ROBO2: variants seen among roughly 807,000 people sequenced by gnomAD.
ROBO2 encodes roundabout guidance receptor 2, also known as roundabout homolog 2.
A neutral mutation model predicts 160.8 loss-of-function variants in ROBO2; 53 were observed. The observed-to-expected ratio is 0.33, with a 90% CI of 0.26 to 0.41. The LOEUF (loss-of-function observed/expected upper bound fraction) is 0.41. ROBO2 is among the 10% of genes least tolerant of loss of function. The pLI is 1.00. For missense variants in ROBO2, 1,577 were observed against 1,722.4 expected, an observed-to-expected ratio of 0.92 and a Z score of 1.49; for synonymous variants, 664 against 611.7, an observed-to-expected ratio of 1.09 and a Z score of -1.26.
intron 2 of ROBO2, among the ~76,000 whole-genome samples, chr3:76,756,735 C>T (rs1336522812): frequency 6.6e-6 from 1 of 151,940 alleles, no homozygotes; most frequent in African/African-American, 2.4e-5. Context: ...CTCTGTCAAT[C>T]TGTTACCAGG....
At chr3:77,602,579 T>C in intron 20 of ROBO2, 88 bp downstream of exon 21, 1 of 1,492,808 alleles carries the variant, frequency 6.7e-7, no homozygotes, top group Non-Finnish European at 9.3e-7. Context: ...GACTTAGTGA[T>C]TCATTACCAG....
At chr3:76,698,588 C>T (rs2092982340) in intron 2 of ROBO2, among the ~76,000 whole-genome samples, 1 of 152,092 alleles carries the variant, frequency 6.6e-6, no homozygotes, top group Non-Finnish European at 1.5e-5. Context: ...AATTTTTCCT[C>T]AAAACAAAGT....
At chr3:77,107,526 T>C (rs1178371989) in intron 2 of ROBO2, among the ~76,000 whole-genome samples, 1 of 152,172 alleles carries the variant, frequency 6.6e-6, no homozygotes, top group Non-Finnish European at 1.5e-5. Context: ...ACAAGAAATA[T>C]TACAAATCAT....
chr3:77,277,145 T>TTTCC (rs1458720726), intron 2 of ROBO2, among the ~76,000 whole-genome samples: 17 of 116,108 alleles, frequency 1.5e-4, no homozygotes, highest in African/African-American at 4.4e-4. Context: ...TTCTTCCTTC[T>TTTCC]TTCCTTCTTT....
chr3:76,389,390 G>T (rs1341380925), intron 2 of ROBO2, among the ~76,000 whole-genome samples: 1 of 152,152 alleles, frequency 6.6e-6, no homozygotes, highest in African/African-American at 2.4e-5. Context: ...GGAACTCTAG[G>T]TTAGTGTCAA....
intron 8 of ROBO2, among the ~76,000 whole-genome samples, chr3:77,552,878 A>T (rs1157536977): frequency 6.6e-6 from 1 of 152,008 alleles, no homozygotes; most frequent in Admixed American, 6.6e-5. Context: ...TTAATGATTT[A>T]ATACTATCTG....
chr3:76,656,462 A>G (rs551490457), intron 2 of ROBO2, among the ~76,000 whole-genome samples: 19 of 152,252 alleles, frequency 1.2e-4, no homozygotes, highest in African/African-American at 4.6e-4. Flanking sequence ...CATTACCTGC[A>G]CTTCTTGTGA....
intron 2 of ROBO2, among the ~76,000 whole-genome samples, chr3:76,010,515 T>C (rs185736512): frequency 2.6e-5 from 4 of 152,374 alleles, no homozygotes; most frequent in African/African-American, 7.2e-5. Context: ...CCCAGAGTCA[T>C]TGAACACAGC....
intron 1 of ROBO2, among the ~76,000 whole-genome samples, chr3:77,077,728 C>A (rs1278389204): frequency 6.6e-6 from 1 of 152,168 alleles, no homozygotes; most frequent in Non-Finnish European, 1.5e-5. Context: ...TATATACACA[C>A]AGGTATGTTC....
intron 2 of ROBO2, among the ~76,000 whole-genome samples, chr3:76,109,158 G>T (rs1293082358): frequency 6.6e-6 from 1 of 151,924 alleles, no homozygotes; most frequent in Admixed American, 6.6e-5. Flanking sequence ...GCACAATAAA[G>T]TGTATAATAT....
At chr3:77,142,070 T>C (rs2076749578) in intron 2 of ROBO2, among the ~76,000 whole-genome samples, 1 of 152,172 alleles carries the variant, frequency 6.6e-6, no homozygotes, top group Non-Finnish European at 1.5e-5. Flanking sequence ...TCCAAACTCA[T>C]AAAAACCTCT....
intron 2 of ROBO2, among the ~76,000 whole-genome samples, chr3:77,415,187 G>C (rs35291243): frequency 0.12 from 18,606 of 152,188 alleles, 1,402 homozygotes; most frequent in East Asian, 0.29. Flanking sequence ...GAACAGAAGA[G>C]CAAATGCTCA....
chr3:77,028,125 G>A (rs2063089758), intron 2 of ROBO2, among the ~76,000 whole-genome samples: 1 of 151,840 alleles, frequency 6.6e-6, no homozygotes, highest in East Asian at 2.0e-4. Context: ...AAATCAACAA[G>A]GAATTGCTCA....
intron 2 of ROBO2, among the ~76,000 whole-genome samples, chr3:77,217,444 AT>A (rs947714719): frequency 2.0e-5 from 3 of 151,890 alleles, no homozygotes; most frequent in Non-Finnish European, 4.4e-5. Context: ...TGCCTGGCCG[AT>A]TTTTCTACTG....
At chr3:76,256,514 C>T (rs1267910690) in intron 2 of ROBO2, among the ~76,000 whole-genome samples, 1 of 151,854 alleles carries the variant, frequency 6.6e-6, no homozygotes, top group Non-Finnish European at 1.5e-5. Context: ...CCAGACCAGC[C>T]TGGGCAATAT....
chr3:77,410,567 T>TTCA (rs2076645739), intron 2 of ROBO2, among the ~76,000 whole-genome samples: 1 of 49,404 alleles, frequency 2.0e-5, no homozygotes, highest in Non-Finnish European at 4.5e-5. Flanking sequence ...CCTCCTCTTC[T>TTCA]TCCTCCTCCT....
intron 1 of ROBO2, among the ~76,000 whole-genome samples, chr3:75,923,733 T>C (rs1460320995): frequency 3.3e-5 from 5 of 152,148 alleles, no homozygotes; most frequent in African/African-American, 1.2e-4. Flanking sequence ...AAATAGGACT[T>C]AATATAAACA....
At chr3:77,168,594 A>G (rs183772981) in intron 2 of ROBO2, among the ~76,000 whole-genome samples, 3 of 152,148 alleles carry the variant, frequency 2.0e-5, no homozygotes, top group African/African-American at 4.8e-5. Flanking sequence ...ATTATTTTTC[A>G]CCTATCCTCT....
chr3:76,231,139 T>C (rs1704599120), intron 2 of ROBO2, among the ~76,000 whole-genome samples: 1 of 152,192 alleles, frequency 6.6e-6, no homozygotes, highest in Non-Finnish European at 1.5e-5. Context: ...AGAGAAACTT[T>C]GTTAGGACAA....
Sources: allele counts gnomAD v4.1 joint callset (sites outside exome capture counted in the v4.1 genomes callset), GRCh38; gene constraint gnomAD v4.1.1; transcripts MANE v1.5; gene names NCBI Gene and HGNC (gene_info 2026-07-23, HGNC 2026-07-21).